The following ZBTB7C variants were observed in gnomAD, a reference collection of about 807,000 sequenced individuals.
ZBTB7C encodes the protein zinc finger and BTB domain containing 7C, also known as zinc finger and BTB domain-containing protein 7C.
Under a neutral mutation model 25.7 loss-of-function variants are expected in ZBTB7C, and 8 were observed. That is an observed-to-expected ratio of 0.31 (90% CI 0.18 to 0.56). ZBTB7C has a LOEUF of 0.56. Ranked by LOEUF, ZBTB7C falls within the 20% of genes least tolerant of loss-of-function variation. ZBTB7C has a pLI of 0.91. For missense variants in ZBTB7C, 824 were observed against 855.2 expected (o/e 0.96, Z 0.46); for synonymous variants, 394 against 369.0 (o/e 1.07, Z -0.78).
intron 2 of ZBTB7C, among the ~76,000 whole-genome samples, chr18:48,304,215 G>A (rs1241098819): frequency 6.6e-6 from 1 of 152,196 alleles, no homozygotes; most frequent in Non-Finnish European, 1.5e-5. Context: ...TTTATGAGGG[G>A]TACCTTGCAC....
chr18:48,073,042 G>T (rs1421586032), intron 3 of ZBTB7C, among the ~76,000 whole-genome samples: 1 of 152,234 alleles, frequency 6.6e-6, no homozygotes, highest in African/African-American at 2.4e-5. Context: ...CTGGGCGGAG[G>T]AACTTCCTGA....
chr18:48,182,370 A>G (rs974106079), intron 3 of ZBTB7C, among the ~76,000 whole-genome samples: 2 of 152,232 alleles, frequency 1.3e-5, no homozygotes, highest in Non-Finnish European at 2.9e-5. Flanking sequence ...AATAAGCTCA[A>G]TTTGGAAAAT....
rs138848813 is a variant in ZBTB7C, at chr18:48,245,090, G to GTATATATATATATATATATATA, written c.-78-59096_-78-59095insTATATATATATATATATATATA. Among the ~76,000 whole-genome samples, 164 of 110,076 alleles carry GTATATATATATATATATATATA rather than the reference G, an allele frequency of 1.5e-3. 5 individuals are homozygous for GTATATATATATATATATATATA. The highest frequency in any genetic ancestry group is 4.8e-3 in the African/African-American group (117 of 24,386). 72.2% of individuals were successfully genotyped at this position (110,076 alleles called of 152,430 possible). On this transcript the variant is annotated intron_variant, in intron 2 of 4. Coordinates refer to ENST00000590800, the MANE Select transcript of ZBTB7C (RefSeq NM_001318841.2). ...GTGGAAAAAAAAGTAGTGTGTGTGT[G>GTATATATATATATATATATATA]TGTATATATATATACACACACACAC...
intron 3 of ZBTB7C, among the ~76,000 whole-genome samples, chr18:48,089,428 C>T (rs540296707): frequency 1.4e-4 from 21 of 150,254 alleles, no homozygotes; most frequent in East Asian, 2.0e-4. Flanking sequence ...GCCGAGATCA[C>T]GCCACTGCAC....
intron 2 of ZBTB7C, among the ~76,000 whole-genome samples, chr18:48,316,662 C>G (rs1291141972): frequency 1.3e-5 from 2 of 152,214 alleles, no homozygotes; most frequent in Non-Finnish European, 2.9e-5. Flanking sequence ...CATATGCCAG[C>G]TCCCCTTGCC....
chr18:48,308,852 G>A (rs1158444233), intron 2 of ZBTB7C, among the ~76,000 whole-genome samples: 1 of 152,194 alleles, frequency 6.6e-6, no homozygotes. Flanking sequence ...CTAAAACTCT[G>A]GGGTGCAACT....
chr18:48,340,029 G>C (rs1240382697), intron 1 of ZBTB7C, among the ~76,000 whole-genome samples: 1 of 152,120 alleles, frequency 6.6e-6, no homozygotes, highest in Non-Finnish European at 1.5e-5. Flanking sequence ...ATCTCCAAAA[G>C]GCACATATAC....
intron 1 of ZBTB7C, among the ~76,000 whole-genome samples, chr18:48,344,652 G>A (rs757100710): frequency 1.3e-5 from 2 of 152,218 alleles, no homozygotes; most frequent in Non-Finnish European, 2.9e-5. Context: ...AACGCTTTAT[G>A]AAATTATGAC....
rs150233264 is a variant in ZBTB7C at position 48,059,395 on chromosome 18, C to T, written c.-16-18272G>A. On this transcript the variant is annotated intron_variant, in intron 3 of 4. Coordinates refer to ENST00000590800, the MANE Select transcript of ZBTB7C (RefSeq NM_001318841.2). Reference sequence around the variant, plus strand: ...AAGGCTCCAGCACACACACATGCTTCTGGTTTGGCTGGTACCCTCCTAAGT... The same window carrying T: ...AAGGCTCCAGCACACACACATGCTTTTGGTTTGGCTGGTACCCTCCTAAGT... Among the ~76,000 whole-genome samples, 272 of 152,284 alleles carry T rather than the reference C, an allele frequency of 1.8e-3. 1 individual carries two copies. Among genetic ancestry groups the T allele is most frequent in the East Asian group, 0.012 (60 of 5,162 alleles).
chr18:48,354,363 A>G (rs192593259), intron 1 of ZBTB7C, among the ~76,000 whole-genome samples: 77 of 152,256 alleles, frequency 5.1e-4, no homozygotes, highest in African/African-American at 1.7e-3. Flanking sequence ...ATCAATCTCA[A>G]CATCAACACA....
intron 1 of ZBTB7C, among the ~76,000 whole-genome samples, chr18:48,404,950 C>G (rs2145330002): frequency 6.6e-6 from 1 of 152,346 alleles, no homozygotes; most frequent in East Asian, 1.9e-4. Flanking sequence ...CCACAGCTGT[C>G]CAGCCCTGAC....
rs559594605 is a variant in ZBTB7C at position 48,129,258 on chromosome 18, AG to A, written c.-17+56675del. On this transcript the variant is annotated intron_variant, in intron 3 of 4. Coordinates refer to ENST00000590800, the MANE Select transcript of ZBTB7C (RefSeq NM_001318841.2). The stretch of plus-strand genomic sequence containing the variant: ...AAAACCAAAGGTCAAAGACACACTC[AG>A]GGTGGCTTCATAACTTCCCAATGTC... Among the ~76,000 whole-genome samples the A allele has an allele frequency of 5.3e-3, 795 of 150,780 alleles. 6 individuals carry two copies. Among genetic ancestry groups the A allele is most frequent in the Non-Finnish European group, 8.0e-3 (541 of 67,690 alleles).
rs547624500 is a variant in ZBTB7C at position 48,313,572 on chromosome 18, T to A, written c.-79+24602A>T. ...CAGCATAGGCCTTGTTAAGAGGTCA[T>A]TAGCACTGGCCTGGGAGCTTGCTAG... On this transcript the variant is annotated intron_variant, in intron 2 of 4. Coordinates refer to ENST00000590800, the MANE Select transcript of ZBTB7C (RefSeq NM_001318841.2). 3.3e-5 allele frequency among the ~76,000 whole-genome samples: 5 copies of A among 152,324 alleles called. No homozygotes were observed. In the South Asian group the frequency reaches 1.0e-3, roughly 32 times the overall value.
In ZBTB7C at chr18:48,137,386, G is replaced by C. The variant is rs962291394; in HGVS notation, c.-17+48548C>G. Reference sequence around the variant, plus strand: ...CTTTTCTTTTCCCCTCTTTTCTTCCGGGTTCCTCCGTTTTGTTTTTTGTGG... The same window carrying C: ...CTTTTCTTTTCCCCTCTTTTCTTCCCGGTTCCTCCGTTTTGTTTTTTGTGG... On this transcript the variant is annotated intron_variant, in intron 3 of 4. Coordinates refer to ENST00000590800, the MANE Select transcript of ZBTB7C (RefSeq NM_001318841.2). 3 of 963,908 alleles carry C rather than the reference G, an allele frequency of 3.1e-6. No individual in the cohort carries two copies. The African/African-American group carries it at 5.3e-5, about 17-fold the overall frequency. The allele number at this position is 963,908 out of a possible 1,614,324, so 59.7% of individuals were successfully genotyped here. A position where few individuals can be genotyped will look rare whatever the true frequency, so the allele number is the denominator to read the frequency against.
chr18:48,267,082 T>C (rs553853437), intron 2 of ZBTB7C, among the ~76,000 whole-genome samples: 37 of 152,330 alleles, frequency 2.4e-4, no homozygotes, highest in African/African-American at 8.9e-4. Flanking sequence ...GTGAACACCC[T>C]GGTACCTGCC....
At chr18:48,216,137 CA>C (rs2042818131) in intron 2 of ZBTB7C, among the ~76,000 whole-genome samples, 1 of 152,214 alleles carries the variant, frequency 6.6e-6, no homozygotes, top group South Asian at 2.1e-4. Flanking sequence ...GGAGTCCATT[CA>C]GTCAGTGGGG....
chr18:48,090,905 C>T (rs1481150122), intron 3 of ZBTB7C, among the ~76,000 whole-genome samples: 1 of 152,178 alleles, frequency 6.6e-6, no homozygotes, highest in African/African-American at 2.4e-5. Flanking sequence ...TGCTGGTTAT[C>T]TCTTTGTGCA....
At chr18:48,233,271 T>A (rs938935079) in intron 2 of ZBTB7C, among the ~76,000 whole-genome samples, 1 of 152,162 alleles carries the variant, frequency 6.6e-6, no homozygotes, top group African/African-American at 2.4e-5. Flanking sequence ...CTCCATGAGA[T>A]GACACAGCAA....
intron 3 of ZBTB7C, among the ~76,000 whole-genome samples, chr18:48,141,469 G>A (rs1265508041): frequency 6.6e-6 from 1 of 152,104 alleles, no homozygotes; most frequent in African/African-American, 2.4e-5. Context: ...GTGTGGTACA[G>A]GTGTTTATTG....
Sources: allele counts gnomAD v4.1 joint callset (sites outside exome capture counted in the v4.1 genomes callset), GRCh38; gene constraint gnomAD v4.1.1; transcripts MANE v1.5; gene names NCBI Gene and HGNC (gene_info 2026-07-23, HGNC 2026-07-21).